Variants in FAT3 observed in about 807,000 individuals in gnomAD.
FAT3 encodes protocadherin Fat 3.
A neutral mutation model predicts 310.2 loss-of-function variants in FAT3; 95 were observed. The observed-to-expected ratio is 0.31, with a 90% CI of 0.26 to 0.36. The LOEUF (loss-of-function observed/expected upper bound fraction) is 0.36, where lower values mean the gene tolerates loss of function less well. Ranked by LOEUF, FAT3 falls within the 10% of genes least tolerant of loss-of-function variation. The pLI, the probability that FAT3 is intolerant of heterozygous loss-of-function variation, is 1.00. For synonymous variants in FAT3, 2,314 were observed against 2,192.9 expected, an observed-to-expected ratio of 1.06 and a Z score of -1.54; for missense variants, 5,408 against 5,715.6, an observed-to-expected ratio of 0.95 and a Z score of 1.74.
chr11:92,335,165 T>G (rs558919787), intron 1 of FAT3, among the ~76,000 whole-genome samples: 2 of 151,690 alleles, frequency 1.3e-5, no homozygotes, highest in South Asian at 2.1e-4. Context: ...ATGTGTTAGA[T>G]CTATCTTCTG....
intron 6 of FAT3, among the ~76,000 whole-genome samples, chr11:92,768,605 A>G (rs1327056869): frequency 6.6e-6 from 1 of 152,176 alleles, no homozygotes; most frequent in African/African-American, 2.4e-5. Flanking sequence ...ATCTTCAGCC[A>G]TGGAAACTCT....
intron 10 of FAT3, among the ~76,000 whole-genome samples, chr11:92,804,140 A>G (rs1012241475): frequency 2.3e-4 from 35 of 152,188 alleles, no homozygotes; most frequent in African/African-American, 8.4e-4. Flanking sequence ...CTTTCCCTCC[A>G]GAATGTGATC....
Position 92,889,256 on chromosome 11 carries a change from CT to C in FAT3, c.13111+15del, listed in dbSNP as rs1949861740. The C allele has an allele frequency of 4.3e-6, 3 of 700,896 alleles. No individual in the cohort carries two copies. Among genetic ancestry groups the C allele is most frequent in the East Asian group, 5.5e-5 (2 of 36,624 alleles). 43.4% of individuals were successfully genotyped at this position (700,896 alleles called of 1,614,324 possible). A position where few individuals can be genotyped will look rare whatever the true frequency, so the allele number is the denominator to read the frequency against. On this transcript the variant is annotated intron_variant, in intron 26 of 27. Transcript: ENST00000525166. ...ACACTATAGAGAATGAAGGTATTTA[CT>C]TTTTTTCTTCCATAGCATTTCTTGA...
intron 3 of FAT3, among the ~76,000 whole-genome samples, chr11:92,625,822 C>T (rs144721339): frequency 1.9e-3 from 284 of 152,008 alleles, no homozygotes; most frequent in Middle Eastern, 3.4e-3. Flanking sequence ...AGATTTCTCT[C>T]ATTTGTCACT....
At chr11:92,686,629 A>T (rs554667781) in intron 3 of FAT3, among the ~76,000 whole-genome samples, 35 of 151,002 alleles carry the variant, frequency 2.3e-4, no homozygotes, top group East Asian at 9.7e-4. Context: ...GGGTTTTTTT[A>T]AAAAAAAGCA....
At chr11:92,598,970 TTGTGCCCTTTGCTCCA>T (rs1939864976) in intron 3 of FAT3, among the ~76,000 whole-genome samples, 1 of 152,174 alleles carries the variant, frequency 6.6e-6, no homozygotes, top group Non-Finnish European at 1.5e-5. Flanking sequence ...GACTCCCAGC[TTGTGCCCTTTGCTCCA>T]TGCTACCCTG....
chr11:92,241,328 G>A (rs896563515), intron 1 of FAT3, among the ~76,000 whole-genome samples: 1 of 151,952 alleles, frequency 6.6e-6, no homozygotes, highest in Non-Finnish European at 1.5e-5. Context: ...AGCATTGCAG[G>A]CACCTCAGCA....
intron 4 of FAT3, among the ~76,000 whole-genome samples, chr11:92,760,389 A>G (rs1286158232): frequency 1.3e-5 from 2 of 152,208 alleles, no homozygotes; most frequent in Non-Finnish European, 2.9e-5. Context: ...TTATTAGGTG[A>G]AAAAATAGCT....
At chr11:92,491,797 CAG>C (rs954329786) in intron 2 of FAT3, among the ~76,000 whole-genome samples, 3 of 152,054 alleles carry the variant, frequency 2.0e-5, no homozygotes, top group African/African-American at 7.2e-5. Context: ...GAGAGTCATG[CAG>C]AGACTACTCT....
chr11:92,857,067 G>A (rs2136321843), intron 19 of FAT3, 147 bp from the exon 20 acceptor site: 1 of 1,160,232 alleles, frequency 8.6e-7, no homozygotes, highest in East Asian at 2.4e-5. Context: ...GCCTACTTCT[G>A]AGTGGCATCT....
At chr11:92,753,395 A>G (rs1486991697) in intron 4 of FAT3, among the ~76,000 whole-genome samples, 1 of 152,230 alleles carries the variant, frequency 6.6e-6, no homozygotes, top group Non-Finnish European at 1.5e-5. Flanking sequence ...ATTTTAAGTC[A>G]CATAATTTTC....
chr11:92,743,107 C>T (rs538023365), intron 4 of FAT3, among the ~76,000 whole-genome samples: 1 of 152,186 alleles, frequency 6.6e-6, no homozygotes, highest in Non-Finnish European at 1.5e-5. Flanking sequence ...GTTTCGGAAA[C>T]ACTGGTTTAA....
chr11:92,564,214 A>G (rs1955346445), intron 3 of FAT3, among the ~76,000 whole-genome samples: 1 of 152,064 alleles, frequency 6.6e-6, no homozygotes, highest in Non-Finnish European at 1.5e-5. Flanking sequence ...AATGGAAAAC[A>G]AAAAAAGGCA....
intron 3 of FAT3, among the ~76,000 whole-genome samples, chr11:92,588,231 T>A (rs571729911): frequency 1.3e-5 from 2 of 152,010 alleles, no homozygotes; most frequent in East Asian, 3.9e-4. Context: ...CCAACAGTGT[T>A]CCTAATGCTA....
At chr11:92,525,036 A>G (rs1403296553) in intron 3 of FAT3, 88 bp downstream of exon 3, 60 of 1,119,330 alleles carry the variant, frequency 5.4e-5, no homozygotes, top group Non-Finnish European at 7.2e-5. Context: ...CATTTACTTT[A>G]TTTTCTAAAG....
intron 2 of FAT3, among the ~76,000 whole-genome samples, chr11:92,439,270 A>G (rs1305136495): frequency 6.6e-6 from 1 of 152,224 alleles, no homozygotes; most frequent in Non-Finnish European, 1.5e-5. Context: ...CCTCTGATCT[A>G]AAACAGAGAA....
chr11:92,352,936 C>T lies in FAT3; in HGVS notation c.824C>T (p.Ser275Leu), dbSNP rs574059534. The T allele has an allele frequency of 1.7e-5, 28 of 1,613,694 alleles. No homozygotes were observed. The highest frequency in any genetic ancestry group is 1.2e-4 in the Admixed American group (7 of 59,950). ...CATGTAGTCACTCATGTTCCTTTCT[C>T]GTTGGAAAAAGAGCCAACATATGCA... ...TIHVVTHVPF[S>L]LEKEPTYAVV... Residue 275 changes from serine (S) to leucine (L), a missense_variant, in exon 2 of 28, where the codon TCG becomes TTG. This residue lies in a region of FAT3 where 4,588 missense variants were observed against 4,809.8 expected (regional missense o/e 0.95). Transcript: ENST00000525166.
intron 3 of FAT3, among the ~76,000 whole-genome samples, chr11:92,531,051 A>G (rs1390196969): frequency 6.6e-6 from 1 of 152,202 alleles, no homozygotes; most frequent in East Asian, 1.9e-4. Flanking sequence ...CTGAATGGGT[A>G]GAAATGGCTG....
At chr11:92,796,890 A>G (rs3912648) in intron 9 of FAT3, among the ~76,000 whole-genome samples, 120,746 of 152,154 alleles carry the variant, frequency 0.79, 48,440 homozygotes, top group Non-Finnish European at 0.85. Flanking sequence ...GCTGTAAACT[A>G]CTACAGTGTC....
Sources: gnomAD v4.1 joint callset for allele counts (sites outside exome capture counted in the v4.1 genomes callset) on GRCh38, gnomAD v4.1.1 for gene constraint, gnomAD v4.1.1 regional missense constraint, MANE v1.5 for transcripts, NCBI Gene and HGNC (gene_info 2026-07-23, HGNC 2026-07-21) for gene names.